The following CNTNAP4 variants were observed in gnomAD, a reference collection of about 807,000 sequenced individuals.
CNTNAP4 encodes the protein contactin-associated protein-like 4.
Under a neutral mutation model 148.4 loss-of-function variants are expected in CNTNAP4, and 98 were observed. The ratio of observed to expected loss-of-function variants is 0.66; its 90% CI spans 0.56 to 0.78. CNTNAP4 has a LOEUF of 0.78. Among genes scored for constraint, CNTNAP4 ranks in the 30% least tolerant of loss-of-function variants. The pLI, the probability that CNTNAP4 is intolerant of heterozygous loss-of-function variation, is 0.00. For missense variants in CNTNAP4, 1,935 were observed against 1,565.6 expected, an observed-to-expected ratio of 1.24 and a Z score of -3.98; for synonymous variants, 730 against 565.1, an observed-to-expected ratio of 1.29 and a Z score of -4.14.
intron 15 of CNTNAP4, among the ~76,000 whole-genome samples, chr16:76,506,904 A>G (rs1182581300): frequency 1.0e-5 from 1 of 96,718 alleles, no homozygotes; most frequent in Admixed American, 1.0e-4. Flanking sequence ...TTCTGTGAGG[A>G]GGCTAGTACA....
chr16:76,489,840 G>A lies in CNTNAP4; in HGVS notation c.2037G>A (p.Glu679=). Residue 679 remains glutamate, a synonymous_variant, in exon 13 of 24, where the codon GAG becomes GAA. Transcript: ENST00000611870. ...TINRAEHCEQ[E]FTYYCKKSRL... ...ACCGTGCAGAGCACTGTGAACAGGAGTTTACTTATTACTGCAAGAAGTCAC... is the reference window on the plus strand; with the variant it reads ...ACCGTGCAGAGCACTGTGAACAGGAATTTACTTATTACTGCAAGAAGTCAC... 1 of 1,593,518 alleles carries A rather than the reference G, an allele frequency of 6.3e-7. No homozygotes were observed. Among genetic ancestry groups the A allele is most frequent in the Non-Finnish European group, 8.6e-7 (1 of 1,167,166 alleles).
chr16:76,296,843 C>T (rs1487580855), intron 1 of CNTNAP4, among the ~76,000 whole-genome samples: 1 of 152,032 alleles, frequency 6.6e-6, no homozygotes, highest in Non-Finnish European at 1.5e-5. Context: ...AAATAATTGC[C>T]CCTCCAGAGA....
chr16:76,471,461 G>T (rs1200399715), intron 10 of CNTNAP4, among the ~76,000 whole-genome samples: 1 of 152,160 alleles, frequency 6.6e-6, no homozygotes, highest in African/African-American at 2.4e-5. Flanking sequence ...TGTGACCTTA[G>T]CAAGCACAGC....
At chr16:76,397,510 C>T (rs1004421148) in intron 3 of CNTNAP4, among the ~76,000 whole-genome samples, 1 of 151,890 alleles carries the variant, frequency 6.6e-6, no homozygotes, top group Non-Finnish European at 1.5e-5. Flanking sequence ...CAGCACACAT[C>T]AGATACGCAG....
rs1394691497 is a variant in CNTNAP4 at position 76,309,779 on chromosome 16, G to T, written c.86-6634G>T. 13 of 694,408 alleles carry T rather than the reference G, an allele frequency of 1.9e-5. No homozygotes were observed. The Admixed American group carries it at 2.6e-4, about 14-fold the overall frequency. The allele number at this position is 694,408 out of a possible 1,614,324, so 43.0% of individuals were successfully genotyped here. ...GAGGGGGTGGTCCGGGCTTTCCCGT[G>T]CTATTCTCGTGATAGTGAGTAAGTG... is the stretch of plus-strand genomic sequence containing the variant. On this transcript the variant is annotated intron_variant, in intron 1 of 23. Transcript: ENST00000611870.
Position 76,521,220 on chromosome 16 carries a change from G to T in CNTNAP4, c.2446G>T (p.Asp816Tyr). The stretch of plus-strand genomic sequence containing the variant: ...TACCTTCCACGGAGAACTTAGCGCG[G>T]ATGTATCTTTCTTTTTTAAGACAAC... Reference protein sequence around the residue: ...FPTFHGELSADVSFFFKTTAS... With the variant: ...FPTFHGELSAYVSFFFKTTAS... Residue 816 changes from aspartate to tyrosine, a missense_variant, in exon 16 of 24, where the codon GAT (aspartate) becomes TAT (tyrosine). Asp to Tyr is a radical substitution (Grantham distance 160). Coordinates refer to ENST00000611870, the MANE Select transcript of CNTNAP4 (RefSeq NM_033401.5). 6.2e-7 allele frequency: 1 copy of T among 1,612,472 alleles called. No individual in the cohort carries two copies. The highest frequency in any genetic ancestry group is 8.5e-7 in the Non-Finnish European group (1 of 1,179,300).
intron 2 of CNTNAP4, among the ~76,000 whole-genome samples, chr16:76,321,483 A>G (rs1366754041): frequency 1.3e-5 from 2 of 152,152 alleles, no homozygotes; most frequent in African/African-American, 4.8e-5. Flanking sequence ...TGTTAAACGT[A>G]TTATATTTTT....
intron 1 of CNTNAP4, among the ~76,000 whole-genome samples, chr16:76,296,644 C>CAGAG (rs150169301): frequency 3.4e-5 from 5 of 149,074 alleles, no homozygotes; most frequent in East Asian, 2.0e-4. Context: ...AAGAGAGAGG[C>CAGAG]AGAGAGAGAG....
chr16:76,448,856 C>G lies in CNTNAP4; in HGVS notation c.832C>G (p.Gln278Glu). The G allele has an allele frequency of 6.2e-7, 1 of 1,613,386 alleles. No homozygotes were observed. Among genetic ancestry groups the G allele is most frequent in the Non-Finnish European group, 8.5e-7 (1 of 1,179,648 alleles). Residue 278 changes from glutamine to glutamate, a missense_variant, in exon 6 of 24, where the codon CAG becomes GAG. By Grantham distance (29) the Gln-to-Glu change is conservative. Coordinates refer to ENST00000611870, the MANE Select transcript of CNTNAP4 (RefSeq NM_033401.5). The part of the protein sequence containing the change: ...DDQHWHSVLI[Q>E]RLGKQVNFTV... ...TCAGCATTGGCATTCAGTGCTCATCCAGCGTTTGGGCAAACAAGTCAACTT... is the reference window on the plus strand; with the variant it reads ...TCAGCATTGGCATTCAGTGCTCATCGAGCGTTTGGGCAAACAAGTCAACTT...
At chr16:76,293,548 T>C (rs1444371233) in intron 1 of CNTNAP4, among the ~76,000 whole-genome samples, 1 of 152,182 alleles carries the variant, frequency 6.6e-6, no homozygotes, top group African/African-American at 2.4e-5. Context: ...GGGAAAGTGA[T>C]TTCAGAGGGA....
At chr16:76,548,150 C>T (rs530992266) in intron 21 of CNTNAP4, among the ~76,000 whole-genome samples, 1 of 152,160 alleles carries the variant, frequency 6.6e-6, no homozygotes, top group Non-Finnish European at 1.5e-5. Flanking sequence ...GATAAACTGC[C>T]TCTTTATCCA....
chr16:76,407,304 G>C (rs74872746), intron 3 of CNTNAP4, among the ~76,000 whole-genome samples: 1 of 152,076 alleles, frequency 6.6e-6, no homozygotes, highest in Non-Finnish European at 1.5e-5. Flanking sequence ...ACAGGCAAGA[G>C]CCACTGTGTC....
At chr16:76,354,762 A>G (rs1268214052) in intron 2 of CNTNAP4, among the ~76,000 whole-genome samples, 1 of 152,208 alleles carries the variant, frequency 6.6e-6, no homozygotes, top group Non-Finnish European at 1.5e-5. Flanking sequence ...GTGTGTTTCA[A>G]ATGTGGTTTT....
At chr16:76,552,009 T>G (rs12599551) in intron 21 of CNTNAP4, among the ~76,000 whole-genome samples, 1 of 152,066 alleles carries the variant, frequency 6.6e-6, no homozygotes, top group Non-Finnish European at 1.5e-5. Flanking sequence ...AGAGGTGTAA[T>G]CAACACAGTT....
At chr16:76,316,339 G>T (rs986100653) in intron 1 of CNTNAP4, 74 bp from the exon 2 acceptor site, 3 of 897,816 alleles carry the variant, frequency 3.3e-6, no homozygotes, top group African/African-American at 3.3e-5. Flanking sequence ...TTTACTTGTT[G>T]GTTGTTTTGT....
At chr16:76,347,471 A>G (rs1965005126) in intron 2 of CNTNAP4, among the ~76,000 whole-genome samples, 1 of 151,982 alleles carries the variant, frequency 6.6e-6, no homozygotes, top group South Asian at 2.1e-4. Flanking sequence ...ATACATAAAC[A>G]CTAAAGATAC....
At chr16:76,415,420 AGG>A (rs1568072377) in intron 3 of CNTNAP4, among the ~76,000 whole-genome samples, 2 of 151,308 alleles carry the variant, frequency 1.3e-5, no homozygotes, top group South Asian at 4.2e-4. Flanking sequence ...AAATAATCAT[AGG>A]CTATTTGACT....
intron 2 of CNTNAP4, among the ~76,000 whole-genome samples, chr16:76,341,076 T>C (rs1964432724): frequency 6.6e-6 from 1 of 152,186 alleles, no homozygotes; most frequent in Non-Finnish European, 1.5e-5. Flanking sequence ...ACTTCTGGAG[T>C]TTGCCTCTGC....
chr16:76,365,810 A>T (rs1231107551), intron 3 of CNTNAP4, among the ~76,000 whole-genome samples: 2 of 151,976 alleles, frequency 1.3e-5, no homozygotes, highest in African/African-American at 2.4e-5. Context: ...TTATAAAGGT[A>T]ATTCAGTAAT....
Sources: allele counts gnomAD v4.1 joint callset (sites outside exome capture counted in the v4.1 genomes callset), GRCh38; gene constraint gnomAD v4.1.1; transcripts MANE v1.5; gene names NCBI Gene and HGNC (gene_info 2026-07-23, HGNC 2026-07-21).